The following UNC79 variants were observed in gnomAD, a reference collection of about 807,000 sequenced individuals.
The protein encoded by UNC79 is protein unc-79 homolog.
A neutral mutation model predicts 283.1 loss-of-function variants in UNC79; 37 were observed. That is an observed-to-expected ratio of 0.13 (90% confidence interval 0.10 to 0.17). The LOEUF is 0.17. UNC79 is among the 10% of genes least tolerant of loss of function. The pLI, the probability that UNC79 is intolerant of heterozygous loss-of-function variation, is 1.00. For synonymous variants in UNC79, 1,107 were observed against 1,200.2 expected, an observed-to-expected ratio of 0.92 and a Z score of 1.61; for missense variants, 2,272 against 3,211.1, an observed-to-expected ratio of 0.71 and a Z score of 7.07.
intron 26 of UNC79, among the ~76,000 whole-genome samples, chr14:93,606,912 A>G (rs760144851): frequency 1.3e-5 from 2 of 152,210 alleles, no homozygotes; most frequent in African/African-American, 4.8e-5. Flanking sequence ...TGTGTTAACA[A>G]TCTCATTTTA....
intron 33 of UNC79, among the ~76,000 whole-genome samples, chr14:93,642,424 C>CA (rs5810634): frequency 0.59 from 62,579 of 105,976 alleles, 18,758 homozygotes; most frequent in Non-Finnish European, 0.67. Context: ...GACTCCATCT[C>CA]AAAAAAAAAA....
intron 1 of UNC79, among the ~76,000 whole-genome samples, chr14:93,422,508 T>C (rs2140072866): frequency 6.6e-6 from 1 of 152,306 alleles, no homozygotes; most frequent in East Asian, 1.9e-4. Flanking sequence ...GAGGCATGTC[T>C]GACCCCTCCA....
chr14:93,498,979 G>A (rs973862848), intron 7 of UNC79, among the ~76,000 whole-genome samples: 4 of 152,128 alleles, frequency 2.6e-5, no homozygotes, highest in African/African-American at 9.7e-5. Context: ...TCACATTATT[G>A]TTATTTACAA....
At chr14:93,589,209 C>T (rs1417255031) in intron 22 of UNC79, among the ~76,000 whole-genome samples, 1 of 152,068 alleles carries the variant, frequency 6.6e-6, no homozygotes, top group Non-Finnish European at 1.5e-5. Context: ...CTCCGGCGCT[C>T]AGGGGCTTAG....
chr14:93,469,801 G>C lies in UNC79; in HGVS notation c.143+2010G>C, dbSNP rs534661578. Among the ~76,000 whole-genome samples the C allele has an allele frequency of 2.5e-3, 387 of 152,240 alleles. 3 individuals are homozygous for C. Among genetic ancestry groups the C allele is most frequent in the Non-Finnish European group, 3.9e-3 (265 of 68,020 alleles). ...AGAAGCTGAGGGAGGAGGACTGCTTGACCCTAGGAGTTTGAAGCTGCAGTG... is the reference window on the plus strand; with the variant it reads ...AGAAGCTGAGGGAGGAGGACTGCTTCACCCTAGGAGTTTGAAGCTGCAGTG... On this transcript the variant is annotated intron_variant, in intron 2 of 48. Coordinates refer to ENST00000555664, the Ensembl canonical transcript of UNC79.
chr14:93,458,098 T>C (rs4905069), intron 1 of UNC79, among the ~76,000 whole-genome samples: 105,683 of 151,628 alleles, frequency 0.7, 37,225 homozygotes, highest in Middle Eastern at 0.77. Flanking sequence ...TCTAACATTT[T>C]TTGATGACAG....
chr14:93,402,298 AAG>A (rs2055126634), intron 1 of UNC79, among the ~76,000 whole-genome samples: 3 of 148,098 alleles, frequency 2.0e-5, no homozygotes, highest in Admixed American at 1.4e-4. Flanking sequence ...AAAAAAAGAA[AAG>A]AAAAGAAAAA....
intron 22 of UNC79, among the ~76,000 whole-genome samples, chr14:93,587,457 A>G (rs1222334613): frequency 6.6e-6 from 1 of 152,210 alleles, no homozygotes; most frequent in African/African-American, 2.4e-5. Flanking sequence ...CTTATTTTAT[A>G]TGTATGAGAA....
intron 38 of UNC79, 120 bp downstream of exon 41, chr14:93,655,527 T>TTTC: frequency 2.4e-6 from 3 of 1,225,862 alleles, no homozygotes; most frequent in Non-Finnish European, 3.4e-6. Context: ...GGAAACTCCG[T>TTTC]CAGCCATGGA....
intron 7 of UNC79, among the ~76,000 whole-genome samples, chr14:93,499,877 G>C (rs774736731): frequency 3.4e-4 from 52 of 152,022 alleles, no homozygotes; most frequent in Non-Finnish European, 6.5e-4. Flanking sequence ...AAACGGGTGA[G>C]GCATGAGTGA....
intron 7 of UNC79, among the ~76,000 whole-genome samples, chr14:93,508,957 A>G (rs1463110694): frequency 6.6e-6 from 1 of 152,242 alleles, no homozygotes; most frequent in East Asian, 1.9e-4. Context: ...ACCACTAAAA[A>G]GAAATACCTG....
At chr14:93,566,882 G>C (rs1266902238) in intron 14 of UNC79, among the ~76,000 whole-genome samples, 1 of 152,130 alleles carries the variant, frequency 6.6e-6, no homozygotes, top group East Asian at 1.9e-4. Context: ...CTCCCAAAGT[G>C]CTGGGATTAC....
intron 2 of UNC79, among the ~76,000 whole-genome samples, chr14:93,469,460 T>C (rs1413803432): frequency 6.6e-6 from 1 of 152,210 alleles, no homozygotes; most frequent in East Asian, 1.9e-4. Flanking sequence ...ATCGTATTTG[T>C]ACTTCTTCAT....
At chr14:93,394,241 C>T (rs1274746956) in intron 1 of UNC79, among the ~76,000 whole-genome samples, 2 of 152,080 alleles carry the variant, frequency 1.3e-5, no homozygotes, top group Non-Finnish European at 2.9e-5. Context: ...AATAATGATA[C>T]TTAACATTAT....
chr14:93,498,135 G>A (rs1226920107), intron 7 of UNC79, among the ~76,000 whole-genome samples: 1 of 22,776 alleles, frequency 4.4e-5, no homozygotes, highest in Admixed American at 5.8e-4. Context: ...CAGTTTTGTT[G>A]CTTGTGCCTG....
At chr14:93,705,347 C>CA (rs71129656) in intron 48 of UNC79, among the ~76,000 whole-genome samples, 8,272 of 87,310 alleles carry the variant, frequency 0.095, 384 homozygotes, top group Non-Finnish European at 0.13. Flanking sequence ...CCCAGTCTCT[C>CA]AAAAAAAAAA....
intron 39 of UNC79, 64 bp from the exon 43 acceptor site, chr14:93,662,540 T>G: frequency 3.5e-6 from 4 of 1,138,182 alleles, no homozygotes; most frequent in East Asian, 2.5e-5. Context: ...TCATAAGATT[T>G]TAATACTTTT....
At chr14:93,606,228 C>A (rs1306877473) in intron 26 of UNC79, among the ~76,000 whole-genome samples, 3 of 152,144 alleles carry the variant, frequency 2.0e-5, no homozygotes, top group Non-Finnish European at 2.9e-5. Context: ...ACATGTGTTT[C>A]TTGCAGTTAA....
intron 1 of UNC79, among the ~76,000 whole-genome samples, chr14:93,403,079 G>A (rs1471638914): frequency 1.3e-5 from 2 of 152,312 alleles, no homozygotes; most frequent in East Asian, 1.9e-4. Flanking sequence ...GAGACAAATG[G>A]TTGCATTCTC....
Sources: allele counts gnomAD v4.1 joint callset (sites outside exome capture counted in the v4.1 genomes callset), GRCh38; gene constraint gnomAD v4.1.1; transcripts MANE v1.5; gene names NCBI Gene and HGNC (gene_info 2026-07-23, HGNC 2026-07-21).